EML4: variants seen among roughly 807,000 people sequenced by gnomAD.
EML4 encodes the protein echinoderm microtubule-associated protein-like 4.
Under a neutral mutation model 129.0 loss-of-function variants are expected in EML4, and 72 were observed. That is an observed-to-expected ratio of 0.56 (90% CI 0.46 to 0.68). EML4 has a LOEUF of 0.68. EML4 is among the 30% of genes least tolerant of loss of function. EML4 has a pLI of 0.00. For missense variants in EML4, 1,363 were observed against 1,190.6 expected, an observed-to-expected ratio of 1.14 and a Z score of -2.13; for synonymous variants, 532 against 405.0, an observed-to-expected ratio of 1.31 and a Z score of -3.77.
chr2:42,255,577 C>T (rs961400193), intron 2 of EML4, among the ~76,000 whole-genome samples: 4 of 152,174 alleles, frequency 2.6e-5, no homozygotes, highest in Admixed American at 1.3e-4. Context: ...ACTTGTTTGA[C>T]GTACTAGAAC....
intron 1 of EML4, 77 bp from the exon 2 acceptor site, chr2:42,245,428 G>A: frequency 7.4e-7 from 1 of 1,343,848 alleles, no homozygotes; most frequent in Non-Finnish European, 1.0e-6. Flanking sequence ...AGTCTTATGT[G>A]GGATGGTTTT....
chr2:42,254,218 G>C (rs183969599), intron 2 of EML4, among the ~76,000 whole-genome samples: 1 of 152,182 alleles, frequency 6.6e-6, no homozygotes, highest in African/African-American at 2.4e-5. Context: ...ACTTTGGGAG[G>C]CAGAGGCAGG....
At chr2:42,207,359 G>C (rs375544015) in intron 1 of EML4, among the ~76,000 whole-genome samples, 1 of 151,992 alleles carries the variant, frequency 6.6e-6, no homozygotes, top group African/African-American at 2.4e-5. Context: ...AATGTAACTA[G>C]TACCTTAAGG....
chr2:42,214,731 G>A (rs1364330177), intron 1 of EML4, among the ~76,000 whole-genome samples: 1 of 152,190 alleles, frequency 6.6e-6, no homozygotes, highest in Non-Finnish European at 1.5e-5. Flanking sequence ...TAGCCGGGAT[G>A]GCTGGAAGGC....
At chr2:42,288,499 T>C (rs1015920232) in intron 11 of EML4, 177 bp downstream of exon 11, 1 of 370,938 alleles carries the variant, frequency 2.7e-6, no homozygotes. Flanking sequence ...ACTATAGTTA[T>C]ACAAGATAAA....
intron 1 of EML4, among the ~76,000 whole-genome samples, chr2:42,236,274 A>G (rs1250520527): frequency 4.6e-5 from 7 of 152,166 alleles, no homozygotes; most frequent in Admixed American, 1.3e-4. Flanking sequence ...TACTTTTACT[A>G]TTCTGATATT....
In EML4 at chr2:42,317,534, G is replaced by T; in HGVS notation, c.2154+10G>T. 6.4e-7 allele frequency: 1 copy of T among 1,554,474 alleles called. No homozygotes were observed. The highest frequency in any genetic ancestry group is 1.7e-4 in the Middle Eastern group (1 of 5,834). ...ATATGGAAGGTGCACTGTAAGTAGTGAAGTAGAACAAGTTGTAAAATTATT... is the reference window on the plus strand; with the variant it reads ...ATATGGAAGGTGCACTGTAAGTAGTTAAGTAGAACAAGTTGTAAAATTATT... On this transcript the variant is annotated intron_variant, in intron 19 of 22. Transcript: ENST00000318522.
At chr2:42,303,880 G>C (rs535762189) in intron 16 of EML4, among the ~76,000 whole-genome samples, 1 of 152,144 alleles carries the variant, frequency 6.6e-6, no homozygotes, top group Non-Finnish European at 1.5e-5. Context: ...AGCCGAGATC[G>C]TGCCAGTGCA....
At chr2:42,204,359 G>C (rs144928656) in intron 1 of EML4, among the ~76,000 whole-genome samples, 7 of 152,256 alleles carry the variant, frequency 4.6e-5, no homozygotes, top group African/African-American at 1.7e-4. Context: ...TTAATCTCTT[G>C]TCTGCTGTGG....
intron 6 of EML4, among the ~76,000 whole-genome samples, chr2:42,268,831 A>G (rs1169933423): frequency 6.6e-6 from 1 of 152,174 alleles, no homozygotes; most frequent in Non-Finnish European, 1.5e-5. Flanking sequence ...TCAGACTTGA[A>G]TAATCTTAAA....
At chr2:42,293,452 T>G (rs1303514083) in intron 11 of EML4, among the ~76,000 whole-genome samples, 2 of 152,120 alleles carry the variant, frequency 1.3e-5, no homozygotes, top group Non-Finnish European at 2.9e-5. Flanking sequence ...GCAAAGGCCC[T>G]TAAGCCCAAA....
At chr2:42,295,326 GCAT>G in intron 12 of EML4, 52 bp from the exon 13 acceptor site, 2 of 1,602,350 alleles carry the variant, frequency 1.2e-6, no homozygotes, top group South Asian at 2.3e-5. Context: ...TGTTTAATAA[GCAT>G]CAAGTTGTCA....
chr2:42,272,938 G>C (rs975708399), intron 6 of EML4, among the ~76,000 whole-genome samples: 1 of 152,114 alleles, frequency 6.6e-6, no homozygotes, highest in African/African-American at 2.4e-5. Flanking sequence ...TAACATTATA[G>C]TTGAAACTTC....
At chr2:42,278,070 C>T (rs76031243) in intron 6 of EML4, among the ~76,000 whole-genome samples, 1 of 152,180 alleles carries the variant, frequency 6.6e-6, no homozygotes, top group Admixed American at 6.5e-5. Flanking sequence ...GGTTCTAATG[C>T]TATTTTCATA....
chr2:42,256,745 C>T (rs1245905390), intron 3 of EML4, 115 bp downstream of exon 3: 2 of 1,272,518 alleles, frequency 1.6e-6, no homozygotes, highest in East Asian at 2.4e-5. Flanking sequence ...TGAGCATGTC[C>T]TTTGAATTCT....
intron 19 of EML4, among the ~76,000 whole-genome samples, chr2:42,320,178 G>T (rs958525042): frequency 2.6e-5 from 4 of 151,994 alleles, no homozygotes; most frequent in Non-Finnish European, 5.9e-5. Flanking sequence ...ATAGTCCAGG[G>T]CCTTGCTCTC....
chr2:42,216,173 G>A (rs913801301), intron 1 of EML4, among the ~76,000 whole-genome samples: 4 of 149,664 alleles, frequency 2.7e-5, no homozygotes, highest in African/African-American at 7.4e-5. Context: ...GCCTGCCTCG[G>A]CGTCCCAAAC....
intron 1 of EML4, among the ~76,000 whole-genome samples, chr2:42,181,647 C>A (rs1670952337): frequency 6.6e-6 from 1 of 152,098 alleles, no homozygotes; most frequent in African/African-American, 2.4e-5. Flanking sequence ...TATTTTGATG[C>A]TTAAATTGAC....
intron 17 of EML4, among the ~76,000 whole-genome samples, chr2:42,312,015 A>T (rs184834759): frequency 6.6e-6 from 1 of 152,100 alleles, no homozygotes; most frequent in South Asian, 2.1e-4. Context: ...CGGCCTTCCT[A>T]TGCACTTTTT....
Sources: gnomAD v4.1 joint callset for allele counts (sites outside exome capture counted in the v4.1 genomes callset) on GRCh38, gnomAD v4.1.1 for gene constraint, MANE v1.5 for transcripts, NCBI Gene and HGNC (gene_info 2026-07-23, HGNC 2026-07-21) for gene names.